Variants in CTNNA2 observed in about 807,000 individuals in gnomAD.
CTNNA2 encodes the protein catenin alpha-2.
CTNNA2 carries 42 observed loss-of-function variants against 101.0 expected under a neutral mutation model. That is an observed-to-expected ratio of 0.42 (90% CI 0.32 to 0.54). The LOEUF (loss-of-function observed/expected upper bound fraction) is 0.54, where lower values mean the gene tolerates loss of function less well. CTNNA2 is among the 20% of genes least tolerant of loss of function. The pLI is 0.14. For missense variants in CTNNA2, 871 were observed against 1,223.1 expected, an observed-to-expected ratio of 0.71 and a Z score of 4.29; for synonymous variants, 450 against 456.4, an observed-to-expected ratio of 0.99 and a Z score of 0.18.
At chr2:79,281,664 TCA>T (rs1368368783) in intron 2 of CTNNA2, 2 of 152,342 alleles carry the variant, frequency 1.3e-5, no homozygotes, top group Non-Finnish European at 2.9e-5. Context: ...CCTGTGCATT[TCA>T]CAGTTTCAGT....
intron 3 of CTNNA2, among the ~76,000 whole-genome samples, chr2:79,361,375 A>G (rs1022624010): frequency 4.6e-5 from 7 of 151,984 alleles, no homozygotes. Context: ...CATTTGGCAG[A>G]AAAAAAAGGT....
At chr2:79,246,731 T>C (rs1215540164) in intron 2 of CTNNA2, among the ~76,000 whole-genome samples, 7 of 152,382 alleles carry the variant, frequency 4.6e-5, no homozygotes, top group Non-Finnish European at 8.8e-5. Context: ...TGATGATGAA[T>C]AGCACTTCTC....
intron 4 of CTNNA2, among the ~76,000 whole-genome samples, chr2:79,466,736 C>G (rs1358812900): frequency 6.6e-6 from 1 of 152,234 alleles, no homozygotes; most frequent in African/African-American, 2.4e-5. Context: ...CACTGTACTG[C>G]AGCCTCTGCT....
chr2:79,617,381 T>G (rs1678697860), intron 1 of CTNNA2, among the ~76,000 whole-genome samples: 1 of 152,208 alleles, frequency 6.6e-6, no homozygotes, highest in Non-Finnish European at 1.5e-5. Context: ...GTTAGCTACT[T>G]AATTTACTGT....
intron 7 of CTNNA2, among the ~76,000 whole-genome samples, chr2:80,185,883 A>G (rs1160015273): frequency 6.6e-6 from 1 of 152,202 alleles, no homozygotes; most frequent in Non-Finnish European, 1.5e-5. Flanking sequence ...TTATGCCACC[A>G]TGATCATGAT....
intron 4 of CTNNA2, among the ~76,000 whole-genome samples, chr2:79,464,837 T>C (rs1670916506): frequency 6.6e-6 from 1 of 152,206 alleles, no homozygotes; most frequent in Admixed American, 6.5e-5. Flanking sequence ...AGTTGTTTTT[T>C]TTTTCTTGCA....
upstream of CTNNA2, among the ~76,000 whole-genome samples, chr2:79,511,907 G>A (rs905516730): frequency 6.6e-6 from 1 of 152,158 alleles, no homozygotes; most frequent in Non-Finnish European, 1.5e-5. Context: ...AGTGGACTAG[G>A]ATACCAAACA....
intron 9 of CTNNA2, among the ~76,000 whole-genome samples, chr2:80,525,581 C>T (rs1433140791): frequency 3.3e-5 from 5 of 152,142 alleles, no homozygotes; most frequent in Admixed American, 2.6e-4. Flanking sequence ...CCAATTTCCC[C>T]CTCACCCATC....
intron 7 of CTNNA2, among the ~76,000 whole-genome samples, chr2:80,093,070 A>G (rs1203533874): frequency 6.6e-6 from 1 of 151,988 alleles, no homozygotes; most frequent in Non-Finnish European, 1.5e-5. Flanking sequence ...TTTGTTACAT[A>G]TGAATACATG....
At chr2:80,583,783 AATG>A (rs1695742798) in intron 14 of CTNNA2, among the ~76,000 whole-genome samples, 1 of 152,144 alleles carries the variant, frequency 6.6e-6, no homozygotes, top group South Asian at 2.1e-4. Flanking sequence ...ACTTCAAGTC[AATG>A]ATGATGGGTG....
intron 7 of CTNNA2, among the ~76,000 whole-genome samples, chr2:80,224,814 A>C (rs1016510342): frequency 6.6e-6 from 1 of 151,624 alleles, no homozygotes; most frequent in African/African-American, 2.4e-5. Flanking sequence ...TCTTCAGTCA[A>C]TTGATCACAT....
chr2:79,468,548 C>G (rs1388299121), intron 4 of CTNNA2, among the ~76,000 whole-genome samples: 3 of 152,180 alleles, frequency 2.0e-5, no homozygotes, highest in African/African-American at 7.2e-5. Context: ...ATCTACAGAA[C>G]TCTCCACCCC....
chr2:80,580,190 A>C (rs1211404782), intron 13 of CTNNA2, among the ~76,000 whole-genome samples: 1 of 152,226 alleles, frequency 6.6e-6, no homozygotes, highest in African/African-American at 2.4e-5. Context: ...TGCGTGAGTT[A>C]GTGCCTGTAA....
chr2:79,963,010 G>T (rs1271984958), intron 7 of CTNNA2, among the ~76,000 whole-genome samples: 4 of 137,832 alleles, frequency 2.9e-5, no homozygotes, highest in Non-Finnish European at 4.5e-5. Context: ...GGCGGAACTT[G>T]CAGTGAGCTG....
intron 2 of CTNNA2, among the ~76,000 whole-genome samples, chr2:79,226,623 A>G (rs750886874): frequency 1.3e-5 from 2 of 152,136 alleles, no homozygotes; most frequent in Non-Finnish European, 2.9e-5. Context: ...CTCAATCAAT[A>G]TATTTCTTAT....
intron 4 of CTNNA2, chr2:79,500,937 T>C (rs1224329803): frequency 6.6e-6 from 1 of 152,214 alleles, no homozygotes; most frequent in African/African-American, 2.4e-5. Flanking sequence ...TTTGTCACTT[T>C]TGTTTTCCAA....
chr2:79,405,591 G>T (rs759061488), intron 4 of CTNNA2, among the ~76,000 whole-genome samples: 2 of 152,032 alleles, frequency 1.3e-5, no homozygotes, highest in African/African-American at 2.4e-5. Context: ...CTCCCAAAGT[G>T]CTGGGATTAC....
intron 4 of CTNNA2, among the ~76,000 whole-genome samples, chr2:79,437,604 G>A (rs376319029): frequency 6.6e-6 from 1 of 152,236 alleles, no homozygotes; most frequent in African/African-American, 2.4e-5. Context: ...CAGTTCTGAC[G>A]CTCTCTCAGG....
intron 7 of CTNNA2, among the ~76,000 whole-genome samples, chr2:79,917,804 C>G (rs945022044): frequency 1.3e-5 from 2 of 152,086 alleles, no homozygotes; most frequent in African/African-American, 4.8e-5. Context: ...AGAATCATGA[C>G]AGGGAGAGTG....
Sources: gnomAD v4.1 joint callset for allele counts (sites outside exome capture counted in the v4.1 genomes callset) on GRCh38, gnomAD v4.1.1 for gene constraint, MANE v1.5 for transcripts, NCBI Gene and HGNC (gene_info 2026-07-23, HGNC 2026-07-21) for gene names.